SNX18: variants seen among roughly 807,000 people sequenced by gnomAD.
The protein encoded by SNX18 is sorting nexin 18, also known as sorting nexin-18.
A neutral mutation model predicts 48.7 loss-of-function variants in SNX18; 35 were observed. That is an observed-to-expected ratio of 0.72 (90% confidence interval 0.55 to 0.95). The LOEUF is 0.95. Ranked by LOEUF, SNX18 falls within the 40% of genes least tolerant of loss-of-function variation. SNX18 has a pLI of 0.00. For missense variants in SNX18, 824 were observed against 871.0 expected, an observed-to-expected ratio of 0.95 and a Z score of 0.68; for synonymous variants, 492 against 384.7, an observed-to-expected ratio of 1.28 and a Z score of -3.26.
chr5:54,647,465 G>A, the SNX18 span, among the ~76,000 whole-genome samples: 1 of 152,190 alleles, frequency 6.6e-6, no homozygotes. Flanking sequence ...GGAAAGAACA[G>A]AGCATTCTGG....
the SNX18 span, among the ~76,000 whole-genome samples, chr5:54,617,969 G>A: frequency 1.3e-5 from 2 of 152,156 alleles, no homozygotes; most frequent in Non-Finnish European, 2.9e-5. Flanking sequence ...TTATGATGGA[G>A]GAAGGGGAAC....
At chr5:54,608,303 C>G in the SNX18 span, among the ~76,000 whole-genome samples, 1 of 152,150 alleles carries the variant, frequency 6.6e-6, no homozygotes, top group African/African-American at 2.4e-5. Flanking sequence ...ATTTGCCATC[C>G]GTATAGCCTC....
At chr5:54,571,397 T>C in the SNX18 span, among the ~76,000 whole-genome samples, 27 of 152,226 alleles carry the variant, frequency 1.8e-4, no homozygotes, top group African/African-American at 6.0e-4. Flanking sequence ...GTTCTAATTC[T>C]AAGACGCTTG....
the SNX18 span, chr5:54,644,849 A>T: frequency 0.9 from 136,616 of 152,354 alleles, 61,357 homozygotes; most frequent in East Asian, 0.92. Context: ...AGAACTGCCA[A>T]ACAAGCTCTG....
chr5:54,518,672 G>C lies in SNX18; in HGVS notation c.720G>C (p.Gly240=). The change falls in exon 1 of 2, where the codon GGG becomes GGC. Residue 240 remains glycine (G), a synonymous_variant. Transcript: ENST00000381410. ...NRFSTFVKSG[G]EAFVLGEASG... ...TCTCCACCTTCGTCAAGTCCGGCGG[G>C]GAGGCCTTCGTGCTGGGGGAGGCGT... The C allele has an allele frequency of 6.4e-7, 1 of 1,563,062 alleles. No homozygotes were observed. Among genetic ancestry groups the C allele is most frequent in the Non-Finnish European group, 8.7e-7 (1 of 1,155,496 alleles).
the SNX18 span, chr5:54,644,947 T>C: frequency 0.68 from 103,752 of 152,100 alleles, 35,484 homozygotes; most frequent in East Asian, 0.72. Flanking sequence ...CCAAGAGCAT[T>C]GGCAGCACTT....
chr5:54,550,709 C>T (rs887969500), downstream of SNX18, among the ~76,000 whole-genome samples: 15 of 152,150 alleles, frequency 9.9e-5, no homozygotes, highest in East Asian at 7.7e-4. Context: ...TTCAGCCTCC[C>T]GAGTACCTGG....
the SNX18 span, among the ~76,000 whole-genome samples, chr5:54,625,616 G>A: frequency 6.6e-6 from 1 of 152,240 alleles, no homozygotes; most frequent in East Asian, 1.9e-4. Flanking sequence ...TGCTTTTGCT[G>A]TATTCTATTT....
At chr5:54,527,345 G>C (rs1762150012) in intron 1 of SNX18, among the ~76,000 whole-genome samples, 2 of 145,674 alleles carry the variant, frequency 1.4e-5, no homozygotes, top group South Asian at 4.5e-4. Flanking sequence ...AACAGAGGTG[G>C]TGGTCGGGGA....
the SNX18 span, among the ~76,000 whole-genome samples, chr5:54,631,843 T>G: frequency 1.3e-5 from 2 of 152,216 alleles, no homozygotes; most frequent in Admixed American, 1.3e-4. Context: ...GATTGGAGAA[T>G]GGCCACATTC....
At chr5:54,637,316 CATAA>C in the SNX18 span, among the ~76,000 whole-genome samples, 1 of 152,292 alleles carries the variant, frequency 6.6e-6, no homozygotes, top group East Asian at 1.9e-4. Context: ...ATGAATTAAT[CATAA>C]ATAAAATATT....
the SNX18 span, among the ~76,000 whole-genome samples, chr5:54,561,504 A>ATTTTTTTTTTTTTT: frequency 7.5e-6 from 1 of 133,008 alleles, no homozygotes; most frequent in African/African-American, 2.9e-5. Context: ...CGCCCAGCTA[A>ATTTTTTTTTTTTTT]TTTTTTTTTT....
chr5:54,624,980 A>AT, the SNX18 span, among the ~76,000 whole-genome samples: 2 of 152,272 alleles, frequency 1.3e-5, no homozygotes, highest in South Asian at 2.1e-4. Flanking sequence ...GAAAGTTTAC[A>AT]TTTTTTTCCC....
At chr5:54,583,211 A>C in the SNX18 span, among the ~76,000 whole-genome samples, 1 of 152,232 alleles carries the variant, frequency 6.6e-6, no homozygotes, top group Admixed American at 6.5e-5. Context: ...TCCTTGGATC[A>C]AGCAACCCTC....
chr5:54,576,339 A>G, the SNX18 span, among the ~76,000 whole-genome samples: 1 of 152,248 alleles, frequency 6.6e-6, no homozygotes, highest in Non-Finnish European at 1.5e-5. Flanking sequence ...GAGAGTAGCA[A>G]GGAACCCAAG....
At chr5:54,563,493 C>A in the SNX18 span, among the ~76,000 whole-genome samples, 1 of 152,220 alleles carries the variant, frequency 6.6e-6, no homozygotes, top group Non-Finnish European at 1.5e-5. Context: ...CAATAGGCTG[C>A]ACCATATAGC....
the SNX18 span, among the ~76,000 whole-genome samples, chr5:54,607,164 A>G: frequency 6.6e-6 from 1 of 151,576 alleles, no homozygotes; most frequent in African/African-American, 2.4e-5. Flanking sequence ...TTTATACCCC[A>G]CTCTTCTCAT....
At chr5:54,554,813 C>T in the SNX18 span, among the ~76,000 whole-genome samples, 2 of 152,156 alleles carry the variant, frequency 1.3e-5, no homozygotes, top group Non-Finnish European at 2.9e-5. Context: ...CAGCCATGGC[C>T]TGGGGAAAAT....
At chr5:54,618,980 GCAAAA>G in the SNX18 span, among the ~76,000 whole-genome samples, 22,948 of 151,768 alleles carry the variant, frequency 0.15, 2,006 homozygotes, top group African/African-American at 0.24. Flanking sequence ...CTCTAAAAAA[GCAAAA>G]CAAAACAAAC....
Sources: gnomAD v4.1 joint callset for allele counts (sites outside exome capture counted in the v4.1 genomes callset) on GRCh38, gnomAD v4.1.1 for gene constraint, MANE v1.5 for transcripts, NCBI Gene and HGNC (gene_info 2026-07-23, HGNC 2026-07-21) for gene names.